The following XKR4 variants were observed in gnomAD, a reference collection of about 807,000 sequenced individuals.
The protein encoded by XKR4 is XK-related protein 4.
A neutral mutation model predicts 53.9 loss-of-function variants in XKR4; 12 were observed. The observed-to-expected ratio is 0.22, with a 90% CI of 0.14 to 0.36. The LOEUF (loss-of-function observed/expected upper bound fraction) is 0.36. Ranked by LOEUF, XKR4 falls within the 10% of genes least tolerant of loss-of-function variation. XKR4 has a pLI of 1.00. For missense variants in XKR4, 799 were observed against 859.5 expected (o/e 0.93, Z 0.88); for synonymous variants, 354 against 362.4 (o/e 0.98, Z 0.26).
At chr8:55,371,689 T>A (rs938109426) in intron 2 of XKR4, among the ~76,000 whole-genome samples, 1 of 152,206 alleles carries the variant, frequency 6.6e-6, no homozygotes, top group African/African-American at 2.4e-5. Context: ...GAATAAATGA[T>A]GGTTGTCGTG....
chr8:55,523,512 C>T lies in XKR4; in HGVS notation c.1238C>T (p.Thr413Ile). The T allele has an allele frequency of 1.2e-6, 2 of 1,614,206 alleles. No individual in the cohort carries two copies. Among genetic ancestry groups the T allele is most frequent in the Non-Finnish European group, 1.7e-6 (2 of 1,180,042 alleles). ...ATCGTCCTTCACTGGTGCATCATGA[C>T]CTTCTGGATCGTCCACTGTGAGACA... ...IFIVLHWCIM[T>I]FWIVHCETEF... Residue 413 changes from threonine to isoleucine, a missense_variant, in exon 3 of 3, where the codon ACC becomes ATC. Around this residue, in one of 3 missense-constraint regions of XKR4, gnomAD observed 54 missense variants for 89.7 expected, o/e 0.60. Transcript: ENST00000327381.
intron 1 of XKR4, among the ~76,000 whole-genome samples, chr8:55,191,699 T>TG (rs57976829): frequency 3.3e-5 from 5 of 151,482 alleles, no homozygotes; most frequent in Non-Finnish European, 7.4e-5. Context: ...TTTTTTTTTT[T>TG]GGGAGTTTCA....
intron 1 of XKR4, among the ~76,000 whole-genome samples, chr8:55,159,138 C>T (rs1402200270): frequency 1.3e-5 from 2 of 152,156 alleles, no homozygotes; most frequent in Non-Finnish European, 2.9e-5. Context: ...TTGTTTGTGT[C>T]ACCTCTGACT....
At chr8:55,265,056 G>A (rs1032641870) in intron 1 of XKR4, among the ~76,000 whole-genome samples, 5 of 152,132 alleles carry the variant, frequency 3.3e-5, no homozygotes, top group Admixed American at 2.0e-4. Context: ...CACTGTGTTC[G>A]CAATCATCCT....
chr8:55,177,272 G>A (rs1817248497), intron 1 of XKR4, among the ~76,000 whole-genome samples: 1 of 151,964 alleles, frequency 6.6e-6, no homozygotes, highest in African/African-American at 2.4e-5. Context: ...CCTGACCTCA[G>A]GCCATCTGCC....
chr8:55,178,777 A>C (rs1190509482), intron 1 of XKR4, among the ~76,000 whole-genome samples: 1 of 152,162 alleles, frequency 6.6e-6, no homozygotes, highest in Non-Finnish European at 1.5e-5. Flanking sequence ...GAACTCTTCC[A>C]TCTCTAACAG....
chr8:55,236,856 C>A (rs1818134293), intron 1 of XKR4, among the ~76,000 whole-genome samples: 1 of 152,244 alleles, frequency 6.6e-6, no homozygotes, highest in Admixed American at 6.5e-5. Flanking sequence ...AACCAAGCCA[C>A]TTTGACCCAC....
chr8:55,392,772 A>G (rs897935985), intron 2 of XKR4, among the ~76,000 whole-genome samples: 2 of 152,320 alleles, frequency 1.3e-5, no homozygotes, highest in African/African-American at 4.8e-5. Flanking sequence ...GCCTGGGCAA[A>G]AGAGCCAGAC....
At chr8:55,249,888 G>T (rs1390291800) in intron 1 of XKR4, among the ~76,000 whole-genome samples, 1 of 152,070 alleles carries the variant, frequency 6.6e-6, no homozygotes, top group Non-Finnish European at 1.5e-5. Flanking sequence ...CATTTGATTT[G>T]CGGTACTCTA....
At chr8:55,215,029 T>C (rs1387515995) in intron 1 of XKR4, among the ~76,000 whole-genome samples, 2 of 151,884 alleles carry the variant, frequency 1.3e-5, no homozygotes, top group Non-Finnish European at 1.5e-5. Context: ...ATTTTTAACA[T>C]CTTTATCATT....
At chr8:55,331,419 G>A (rs1236983724) in intron 1 of XKR4, among the ~76,000 whole-genome samples, 2 of 152,146 alleles carry the variant, frequency 1.3e-5, no homozygotes, top group African/African-American at 4.8e-5. Flanking sequence ...AAAAGAATGT[G>A]TATTCTACCG....
At chr8:55,197,545 AT>A (rs35974542) in intron 1 of XKR4, among the ~76,000 whole-genome samples, 238 of 143,662 alleles carry the variant, frequency 1.7e-3, no homozygotes, top group Admixed American at 1.9e-3. Context: ...GTTCAGCTAA[AT>A]TTTTTTTTTT....
At chr8:55,326,096 A>G (rs80166264) in intron 1 of XKR4, among the ~76,000 whole-genome samples, 1,731 of 152,300 alleles carry the variant, frequency 0.011, 27 homozygotes, top group African/African-American at 0.039. Flanking sequence ...GGCACTGAGG[A>G]CTTCTGAATT....
chr8:55,441,064 CAAAA>C (rs10598855), intron 2 of XKR4, among the ~76,000 whole-genome samples: 7,764 of 119,058 alleles, frequency 0.065, 478 homozygotes, highest in African/African-American at 0.17. Flanking sequence ...CTCATCTCTA[CAAAA>C]AAAAAAAAAA....
Position 55,526,245 on chromosome 8 carries a change from G to A in XKR4, c.*2018G>A, listed in dbSNP as rs1405139118. Reference sequence around the variant, plus strand: ...GTTCTCTAGCCACCACCTGTAATGGGTGTGTCATCCAGAGACTGTGTCCCC... The same window carrying A: ...GTTCTCTAGCCACCACCTGTAATGGATGTGTCATCCAGAGACTGTGTCCCC... On this transcript the variant is annotated 3_prime_UTR_variant, in exon 3 of 3. Transcript: ENST00000327381. 2 of 152,238 alleles carry A rather than the reference G, an allele frequency of 1.3e-5. No homozygotes were observed. The highest frequency in any genetic ancestry group is 2.9e-5 in the Non-Finnish European group (2 of 68,036). The allele number at this position is 152,238 out of a possible 1,614,324, so 9.4% of individuals were successfully genotyped here. A position where few individuals can be genotyped will look rare whatever the true frequency, so the allele number is the denominator to read the frequency against.
rs182877617 is a variant in XKR4, at chr8:55,391,086, A to G, written c.1006+33209A>G. Among the ~76,000 whole-genome samples the G allele has an allele frequency of 1.0e-3, 154 of 152,320 alleles. 2 individuals are homozygous for G. Among genetic ancestry groups the G allele is most frequent in the African/African-American group, 3.5e-3 (146 of 41,566 alleles). On this transcript the variant is annotated intron_variant, in intron 2 of 2. Transcript: ENST00000327381. ...GAGAAACTGGATCAAAACTACACTAAGATATTCCTGTAACATTGACAGAGG... is the reference window on the plus strand; with the variant it reads ...GAGAAACTGGATCAAAACTACACTAGGATATTCCTGTAACATTGACAGAGG...
chr8:55,127,313 C>T (rs1288991773), intron 1 of XKR4, among the ~76,000 whole-genome samples: 1 of 150,554 alleles, frequency 6.6e-6, no homozygotes, highest in Non-Finnish European at 1.5e-5. Context: ...AGTGCAGTGG[C>T]ATGATCTCGG....
chr8:55,144,733 A>C, intron 1 of XKR4, among the ~76,000 whole-genome samples: 1 of 152,122 alleles, frequency 6.6e-6, no homozygotes, highest in Non-Finnish European at 1.5e-5. Context: ...AAGATGCCTT[A>C]AATGCATTCA....
rs1290208476 is a variant in XKR4 at position 55,298,449 on chromosome 8, G to A, written c.807-59229G>A. On this transcript the variant is annotated intron_variant, in intron 1 of 2. Transcript: ENST00000327381. ...TGGCACCAGCATTACTTCTGATGAG[G>A]ACCTCAGGAAGCTTCCAGTCATGGC... Among the ~76,000 whole-genome samples, 3 of 152,128 alleles carry A rather than the reference G, an allele frequency of 2.0e-5. No individual in the cohort carries two copies. The East Asian group carries it at 5.8e-4, about 29-fold the overall frequency.
Sources: allele counts gnomAD v4.1 joint callset (sites outside exome capture counted in the v4.1 genomes callset), GRCh38; gene constraint gnomAD v4.1.1; regional missense constraint gnomAD v4.1.1; transcripts MANE v1.5; gene names NCBI Gene and HGNC (gene_info 2026-07-23, HGNC 2026-07-21).